The following MAP7 variants were observed in gnomAD, a reference collection of about 807,000 sequenced individuals.
MAP7 encodes the protein ensconsin.
MAP7 carries 52 observed loss-of-function variants against 94.8 expected under a neutral mutation model. That is an observed-to-expected ratio of 0.55 (90% confidence interval 0.44 to 0.69). The LOEUF (loss-of-function observed/expected upper bound fraction) is 0.69, where lower values mean the gene tolerates loss of function less well. MAP7 is among the 30% of genes least tolerant of loss of function. MAP7 has a pLI of 0.00. For synonymous variants in MAP7, 350 were observed against 357.0 expected (o/e 0.98, Z 0.22); for missense variants, 940 against 964.6 (o/e 0.97, Z 0.34).
chr6:136,454,948 C>T (rs1485321296), intron 1 of MAP7, among the ~76,000 whole-genome samples: 1 of 151,990 alleles, frequency 6.6e-6, no homozygotes, highest in Admixed American at 6.6e-5. Flanking sequence ...CAAAGGACTA[C>T]TTGAGATGTT....
intron 1 of MAP7, among the ~76,000 whole-genome samples, chr6:136,529,362 C>T (rs922246503): frequency 6.6e-6 from 1 of 152,086 alleles, no homozygotes; most frequent in African/African-American, 2.4e-5. Context: ...TCAAGTGATC[C>T]ACCCACCTTG....
intron 6 of MAP7, among the ~76,000 whole-genome samples, chr6:136,382,132 A>G (rs1367923993): frequency 6.6e-6 from 1 of 152,114 alleles, no homozygotes; most frequent in Non-Finnish European, 1.5e-5. Flanking sequence ...GATCTTTTTC[A>G]GTTCCAAGAT....
At chr6:136,498,726 T>A (rs1819002185) in intron 1 of MAP7, among the ~76,000 whole-genome samples, 1 of 151,474 alleles carries the variant, frequency 6.6e-6, no homozygotes, top group Non-Finnish European at 1.5e-5. Context: ...ACAGGTGGCT[T>A]GGGCAATTGT....
At chr6:136,391,353 A>G (rs530607099) in intron 3 of MAP7, among the ~76,000 whole-genome samples, 2 of 138,186 alleles carry the variant, frequency 1.4e-5, no homozygotes, top group South Asian at 4.9e-4. Flanking sequence ...TTGAACAATG[A>G]GATCACATGG....
intron 1 of MAP7, among the ~76,000 whole-genome samples, chr6:136,517,889 G>A (rs779107701): frequency 2.0e-5 from 3 of 152,108 alleles, no homozygotes; most frequent in Non-Finnish European, 4.4e-5. Flanking sequence ...GCTCAGAGGC[G>A]ACAACTGGTT....
intron 3 of MAP7, among the ~76,000 whole-genome samples, chr6:136,408,702 ATT>A (rs59965942): frequency 6.7e-6 from 1 of 149,058 alleles, no homozygotes; most frequent in African/African-American, 2.5e-5. Context: ...ATTACCAACT[ATT>A]TTTTTTTTGT....
chr6:136,457,256 A>T (rs1803592211), intron 1 of MAP7, among the ~76,000 whole-genome samples: 1 of 151,930 alleles, frequency 6.6e-6, no homozygotes, highest in African/African-American at 2.4e-5. Flanking sequence ...AATCATGAAG[A>T]AATAAAATAT....
chr6:136,538,770 G>A (rs574219150), intron 1 of MAP7, among the ~76,000 whole-genome samples: 7 of 126,820 alleles, frequency 5.5e-5, no homozygotes, highest in South Asian at 5.2e-4. Flanking sequence ...TAGTTTGGGT[G>A]ACAGAGCACC....
chr6:136,399,509 C>T (rs1332655598), intron 3 of MAP7, among the ~76,000 whole-genome samples: 6 of 151,448 alleles, frequency 4.0e-5, no homozygotes, highest in Admixed American at 2.0e-4. Context: ...ATGTCTGGCT[C>T]GTTTTTTTTT....
intron 3 of MAP7, among the ~76,000 whole-genome samples, chr6:136,408,452 C>A (rs1283188070): frequency 6.6e-6 from 1 of 152,092 alleles, no homozygotes; most frequent in Non-Finnish European, 1.5e-5. Flanking sequence ...ACAAATATGC[C>A]ATAACACCAA....
rs368416191 is a variant in MAP7 at position 136,356,675 on chromosome 6, T to C, written c.2015+17A>G. ...AACAGTAATGTTTTACTTTAATGAA[T>C]GTCAGTGAAAACTCACCTCTCCACT... On this transcript the variant is annotated intron_variant, in intron 16 of 17. Coordinates refer to ENST00000354570, the MANE Select transcript of MAP7 (RefSeq NM_003980.6). 1.3e-4 allele frequency: 209 copies of C among 1,591,336 alleles called. No homozygotes were observed. The highest frequency in any genetic ancestry group is 1.1e-3 in the Admixed American group (68 of 59,936).
At chr6:136,535,141 CG>C (rs982743527) in intron 1 of MAP7, among the ~76,000 whole-genome samples, 4 of 152,126 alleles carry the variant, frequency 2.6e-5, no homozygotes, top group Non-Finnish European at 5.9e-5. Flanking sequence ...TGGATCATGG[CG>C]GTGCAACCTC....
intron 1 of MAP7, among the ~76,000 whole-genome samples, chr6:136,433,052 T>G (rs1276784756): frequency 6.6e-6 from 1 of 152,154 alleles, no homozygotes; most frequent in African/African-American, 2.4e-5. Flanking sequence ...AAGAAAGAAA[T>G]GTCTATTACA....
intron 4 of MAP7, 147 bp downstream of exon 4, chr6:136,389,207 T>C: frequency 7.8e-7 from 1 of 1,289,606 alleles, no homozygotes; most frequent in Non-Finnish European, 1.0e-6. Context: ...TACCCTGAAC[T>C]CCCTAGAAAC....
At chr6:136,426,595 C>T (rs764508532) in intron 1 of MAP7, among the ~76,000 whole-genome samples, 1 of 152,176 alleles carries the variant, frequency 6.6e-6, no homozygotes, top group Non-Finnish European at 1.5e-5. Context: ...GCTTGCAGAC[C>T]AGAAAGCATC....
rs575874230 is a variant in MAP7 at position 136,464,356 on chromosome 6, G to A, written c.68-42557C>T. On this transcript the variant is annotated intron_variant, in intron 1 of 17. Coordinates refer to ENST00000354570, the MANE Select transcript of MAP7 (RefSeq NM_003980.6). ...TGCTACCTGTGGTCAACCACAGTCT[G>A]AAAATTGGTGAGTACAGTACAATAA... 6.6e-5 allele frequency among the ~76,000 whole-genome samples: 10 copies of A among 152,342 alleles called. No individual in the cohort carries two copies. In the South Asian group the frequency reaches 2.1e-3, roughly 32 times the overall value.
intron 1 of MAP7, among the ~76,000 whole-genome samples, chr6:136,511,439 A>C (rs1823246503): frequency 6.6e-6 from 1 of 152,196 alleles, no homozygotes; most frequent in Non-Finnish European, 1.5e-5. Flanking sequence ...TGCTGAATGA[A>C]AGGTGTGCAC....
chr6:136,539,362 C>T (rs980775808), intron 1 of MAP7, among the ~76,000 whole-genome samples: 1 of 152,186 alleles, frequency 6.6e-6, no homozygotes. Flanking sequence ...CTCCAGAGAC[C>T]TTGCACAAAA....
At chr6:136,462,303 A>T (rs893390618) in intron 1 of MAP7, among the ~76,000 whole-genome samples, 2 of 152,176 alleles carry the variant, frequency 1.3e-5, no homozygotes, top group East Asian at 3.9e-4. Context: ...TGTATCATTT[A>T]TATCTTAGAC....
Sources: allele counts gnomAD v4.1 joint callset (sites outside exome capture counted in the v4.1 genomes callset), GRCh38; gene constraint gnomAD v4.1.1; transcripts MANE v1.5; gene names NCBI Gene and HGNC (gene_info 2026-07-23, HGNC 2026-07-21).